Variants in MICAL2 observed in about 807,000 individuals in gnomAD.
The protein encoded by MICAL2 is [F-actin]-monooxygenase MICAL2.
In MICAL2, 77 loss-of-function variants were observed where a neutral mutation model predicts 127.3. The observed-to-expected ratio is 0.60, with a 90% CI of 0.50 to 0.73. The LOEUF is 0.73. MICAL2 is among the 30% of genes least tolerant of loss of function. The pLI, the probability that MICAL2 is intolerant of heterozygous loss-of-function variation, is 0.00. For missense variants in MICAL2, 1,351 were observed against 1,434.4 expected (o/e 0.94, Z 0.94); for synonymous variants, 570 against 551.1 (o/e 1.03, Z -0.48).
chr11:12,278,243 A>G (rs1448634415), intron 1 of MICAL2, among the ~76,000 whole-genome samples: 1 of 152,210 alleles, frequency 6.6e-6, no homozygotes, highest in East Asian at 1.9e-4. Context: ...TACTTTCTAA[A>G]CTTCTTTATT....
chr11:12,355,241 A>G (rs1383913629), intron 34 of MICAL2, among the ~76,000 whole-genome samples: 1 of 152,146 alleles, frequency 6.6e-6, no homozygotes, highest in Non-Finnish European at 1.5e-5. Flanking sequence ...CCGTAATGCT[A>G]GTTCAGTGAG....
intron 1 of MICAL2, among the ~76,000 whole-genome samples, chr11:12,125,017 T>C (rs1012490507): frequency 1.3e-5 from 2 of 152,258 alleles, no homozygotes; most frequent in Admixed American, 6.5e-5. Context: ...CTCTCTCTTC[T>C]AGATGATGAA....
downstream of MICAL2, among the ~76,000 whole-genome samples, chr11:12,287,940 G>A (rs1863847027): frequency 6.6e-6 from 1 of 152,138 alleles, no homozygotes; most frequent in Non-Finnish European, 1.5e-5. Flanking sequence ...CCTAGGAGAG[G>A]AGGACCCAGA....
intron 7 of MICAL2, among the ~76,000 whole-genome samples, chr11:12,215,525 A>G (rs1463569394): frequency 6.6e-6 from 1 of 152,228 alleles, no homozygotes; most frequent in Non-Finnish European, 1.5e-5. Context: ...GTGAGTCTGA[A>G]GAAGGGCCCT....
chr11:12,112,255 A>T lies in MICAL2; in HGVS notation c.-149+1529A>T, dbSNP rs114799009. 9.4e-3 allele frequency among the ~76,000 whole-genome samples: 1,426 copies of T among 152,246 alleles called. 23 individuals carry two copies. Among genetic ancestry groups the T allele is most frequent in the African/African-American group, 0.031 (1,305 of 41,530 alleles). On this transcript the variant is annotated intron_variant, in intron 1 of 27. Coordinates refer to ENST00000683283, the MANE Select transcript of MICAL2 (RefSeq NM_001282663.2). Reference sequence around the variant, plus strand: ...CTAGAGCCTTCCAGCCTCTGAAAAGATGCTCTCCACCAGGATTTCAGGGGA... The same window carrying T: ...CTAGAGCCTTCCAGCCTCTGAAAAGTTGCTCTCCACCAGGATTTCAGGGGA...
At chr11:12,296,923 T>G (rs1863992572), downstream of MICAL2, among the ~76,000 whole-genome samples, 1 of 152,088 alleles carries the variant, frequency 6.6e-6, no homozygotes, top group African/African-American at 2.4e-5. Context: ...AGTGTGTAGA[T>G]GTAACATAAT....
chr11:12,326,843 T>C (rs1393756692), intron 31 of MICAL2, among the ~76,000 whole-genome samples: 1 of 152,154 alleles, frequency 6.6e-6, no homozygotes, highest in East Asian at 1.9e-4. Flanking sequence ...GCCACGGCCA[T>C]AGTTAGGAGC....
chr11:12,241,092 C>T lies in MICAL2; in HGVS notation c.2267C>T (p.Pro756Leu). 6.2e-7 allele frequency: 1 copy of T among 1,614,202 alleles called. No individual in the cohort carries two copies. Among genetic ancestry groups the T allele is most frequent in the Non-Finnish European group, 8.5e-7 (1 of 1,180,032 alleles). Residue 756 changes from proline to leucine, a missense_variant, in exon 18 of 28, where the codon CCT (proline) becomes CTT (leucine). By Grantham distance (98) the Pro-to-Leu change is moderately conservative (BLOSUM62 -3). Coordinates refer to ENST00000683283, the MANE Select transcript of MICAL2 (RefSeq NM_001282663.2). ...CCGGTCCTGTGCTCTTCCTCCGGCCCTCCTGTTCACTCTTGCTGCCCCAAG... is the reference window on the plus strand; with the variant it reads ...CCGGTCCTGTGCTCTTCCTCCGGCCTTCCTGTTCACTCTTGCTGCCCCAAG... ...GKPVLCSSSG[P>L]PVHSCCPKPE...
intron 29 of MICAL2, among the ~76,000 whole-genome samples, chr11:12,313,367 G>C (rs57222735): frequency 0.021 from 3,130 of 151,976 alleles, 103 homozygotes; most frequent in African/African-American, 0.072. Flanking sequence ...GAATAACCGC[G>C]GGGGGAGAAT....
intron 2 of MICAL2, among the ~76,000 whole-genome samples, chr11:12,141,748 A>T (rs1463103424): frequency 1.3e-5 from 2 of 152,220 alleles, no homozygotes; most frequent in Admixed American, 6.5e-5. Context: ...ATATGTTCTT[A>T]AGAATATGGC....
chr11:12,308,342 A>C (rs1015693904), intron 29 of MICAL2: 4 of 152,226 alleles, frequency 2.6e-5, no homozygotes, highest in African/African-American at 9.6e-5. Flanking sequence ...TTTGCTTGTT[A>C]TCTATAGATC....
intron 24 of MICAL2, among the ~76,000 whole-genome samples, chr11:12,269,461 T>A (rs1280329209): frequency 3.3e-5 from 5 of 152,232 alleles, no homozygotes; most frequent in African/African-American, 1.2e-4. Flanking sequence ...GCTTCCCTGA[T>A]ACTCTGGAGC....
Position 12,223,479 on chromosome 11 carries a change from A to T in MICAL2, c.1518A>T (p.Arg506Ser). The change falls in exon 12 of 28, where the codon AGA (arginine) becomes AGT (serine). Residue 506 changes from arginine (R) to serine (S), a missense_variant. By Grantham distance (110) the Arg-to-Ser change is moderately radical. Transcript: ENST00000683283. ...TCGAGAGACTGGGCTCGGTGAGGAG[A>T]TCTGTCAACCTCTCCAGGAAGGGTA... is the stretch of plus-strand genomic sequence containing the variant. ...YPLERLGSVR[R>S]SVNLSRKESD... 1 of 1,613,882 alleles carries T rather than the reference A, an allele frequency of 6.2e-7. No homozygotes were observed. Among genetic ancestry groups the T allele is most frequent in the Non-Finnish European group, 8.5e-7 (1 of 1,179,982 alleles).
chr11:12,329,704 AT>A (rs1864392713), intron 32 of MICAL2, among the ~76,000 whole-genome samples: 1 of 152,202 alleles, frequency 6.6e-6, no homozygotes, highest in Non-Finnish European at 1.5e-5. Flanking sequence ...GGTTGTAGGC[AT>A]TTAGTAAACA....
At chr11:12,295,058 A>C (rs1231731115), downstream of MICAL2, among the ~76,000 whole-genome samples, 1 of 152,146 alleles carries the variant, frequency 6.6e-6, no homozygotes, top group Admixed American at 6.5e-5. Context: ...GAGACCAATC[A>C]ACCATAACCC....
At chr11:12,258,447 T>C in intron 24 of MICAL2, 21 bp from the exon 25 acceptor site, 1 of 1,603,820 alleles carries the variant, frequency 6.2e-7, no homozygotes, top group Non-Finnish European at 8.5e-7. Flanking sequence ...TTTTTCTGTA[T>C]GTGTGTGCCT....
intron 32 of MICAL2, among the ~76,000 whole-genome samples, chr11:12,328,397 A>G (rs1320887899): frequency 4.6e-5 from 7 of 152,184 alleles, no homozygotes; most frequent in Non-Finnish European, 8.8e-5. Flanking sequence ...GCTTCTGGGA[A>G]GGGGTGATCT....
intron 22 of MICAL2, chr11:12,252,445 AC>A: frequency 6.6e-6 from 1 of 152,208 alleles, no homozygotes; most frequent in African/African-American, 2.4e-5. Context: ...GGGATCAGAC[AC>A]CCCCAGCAAG....
At chr11:12,352,032 C>T (rs1444923890) in intron 33 of MICAL2, among the ~76,000 whole-genome samples, 1 of 152,136 alleles carries the variant, frequency 6.6e-6, no homozygotes, top group East Asian at 1.9e-4. Flanking sequence ...AAGTGATCCA[C>T]CCACCTCGGC....
Sources: gnomAD v4.1 joint callset for allele counts (sites outside exome capture counted in the v4.1 genomes callset) on GRCh38, gnomAD v4.1.1 for gene constraint, MANE v1.5 for transcripts, NCBI Gene and HGNC (gene_info 2026-07-23, HGNC 2026-07-21) for gene names.